Variants in EYA2 observed in about 807,000 individuals in gnomAD.
EYA2 encodes EYA transcriptional coactivator and phosphatase 2, also known as protein phosphatase EYA2.
A neutral mutation model predicts 69.2 loss-of-function variants in EYA2; 31 were observed. That is an observed-to-expected ratio of 0.45 (90% CI 0.34 to 0.60). The LOEUF (loss-of-function observed/expected upper bound fraction) is 0.60, where lower values mean the gene tolerates loss of function less well. EYA2 is among the 20% of genes least tolerant of loss of function. The probability of loss-of-function intolerance (pLI) is 0.02; values close to 1 mark genes in which losing one functional copy is unlikely to be tolerated. For missense variants in EYA2, 622 were observed against 701.2 expected, an observed-to-expected ratio of 0.89 and a Z score of 1.28; for synonymous variants, 257 against 279.4, an observed-to-expected ratio of 0.92 and a Z score of 0.80.
chr20:46,977,195 T>C (rs577525894), intron 1 of EYA2, among the ~76,000 whole-genome samples: 1 of 152,262 alleles, frequency 6.6e-6, no homozygotes, highest in Non-Finnish European at 1.5e-5. Context: ...GTTTATAAGC[T>C]ATTTATCCTA....
intron 9 of EYA2, among the ~76,000 whole-genome samples, chr20:47,110,163 G>A (rs2032708561): frequency 6.6e-6 from 1 of 152,216 alleles, no homozygotes; most frequent in African/African-American, 2.4e-5. Flanking sequence ...CTGAGGCCCA[G>A]AGAGGTGATG....
At chr20:46,916,178 G>A (rs1438506824) in intron 1 of EYA2, among the ~76,000 whole-genome samples, 1 of 152,094 alleles carries the variant, frequency 6.6e-6, no homozygotes, top group African/African-American at 2.4e-5. Flanking sequence ...GCGTGCCAAG[G>A]CCATAGTTTC....
Position 47,072,183 on chromosome 20 carries a change from A to G in EYA2, c.416-2A>G. 6.2e-7 allele frequency: 1 copy of G among 1,612,468 alleles called. No individual in the cohort carries two copies. Among genetic ancestry groups the G allele is most frequent in the Non-Finnish European group, 8.5e-7 (1 of 1,179,152 alleles). On this transcript the variant is annotated splice_acceptor_variant, in intron 5 of 15. Coordinates refer to ENST00000327619, the MANE Select transcript of EYA2 (RefSeq NM_005244.5). LOFTEE classifies it high-confidence loss of function. ...CTGTACCCCTGTTCCTCCTTCCCAC[A>G]GGCACAACAGGGTTCTATCAAGGAG...
intron 14 of EYA2, among the ~76,000 whole-genome samples, 173 bp from the exon 15 acceptor site, chr20:47,183,118 C>G (rs1451368767): frequency 6.6e-6 from 1 of 152,120 alleles, no homozygotes; most frequent in Non-Finnish European, 1.5e-5. Context: ...TGTCATCATC[C>G]TTCATGTGGG....
chr20:46,983,658 A>G (rs1393309394), intron 1 of EYA2, among the ~76,000 whole-genome samples: 1 of 152,184 alleles, frequency 6.6e-6, no homozygotes, highest in African/African-American at 2.4e-5. Context: ...AATAACTTTC[A>G]ACAATATGAG....
At chr20:47,170,865 C>T (rs912044641) in intron 11 of EYA2, among the ~76,000 whole-genome samples, 3 of 152,204 alleles carry the variant, frequency 2.0e-5, no homozygotes, top group African/African-American at 7.2e-5. Context: ...GTAGCTGCTT[C>T]CAAGGTGTCT....
chr20:47,112,474 C>T (rs1356776441), intron 9 of EYA2, among the ~76,000 whole-genome samples: 1 of 152,126 alleles, frequency 6.6e-6, no homozygotes, highest in Non-Finnish European at 1.5e-5. Context: ...AATGATTTAA[C>T]TTGATTATAT....
chr20:47,025,516 A>G (rs1984028493), intron 5 of EYA2, among the ~76,000 whole-genome samples: 1 of 152,214 alleles, frequency 6.6e-6, no homozygotes, highest in East Asian at 1.9e-4. Flanking sequence ...ATTCTTTTTC[A>G]TAGATGCCTA....
chr20:46,990,043 T>A lies in EYA2; in HGVS notation c.33T>A (p.Thr11=). The change falls in exon 2 of 16, where the codon ACT becomes ACA. Residue 11 remains threonine, a synonymous_variant. Coordinates refer to ENST00000327619, the MANE Select transcript of EYA2 (RefSeq NM_005244.5). ...AACTAGTGATCTCACCCAGCCTCAC[T>A]GTAAACAGCGATTGTCTGGATAAAC... MVELVISPSL[T]VNSDCLDKLK... is the part of the protein sequence containing the mutation. 1 of 1,611,824 alleles carries A rather than the reference T, an allele frequency of 6.2e-7. No homozygotes were observed.
intron 1 of EYA2, among the ~76,000 whole-genome samples, chr20:46,944,663 T>C (rs1430961761): frequency 6.6e-6 from 1 of 152,102 alleles, no homozygotes; most frequent in Non-Finnish European, 1.5e-5. Context: ...ATATAATTCC[T>C]GTTTTGAAAA....
At chr20:47,135,055 A>T (rs1315536951) in intron 9 of EYA2, among the ~76,000 whole-genome samples, 1 of 139,478 alleles carries the variant, frequency 7.2e-6, no homozygotes, top group Non-Finnish European at 1.5e-5. Flanking sequence ...TGAACCCAGG[A>T]GGCGGAGCTT....
intron 7 of EYA2, among the ~76,000 whole-genome samples, chr20:47,087,453 C>G (rs1191348734): frequency 6.6e-6 from 1 of 152,186 alleles, no homozygotes. Context: ...AAGGACAGGT[C>G]CAAATTTTAG....
chr20:47,099,432 G>A (rs2032359790), intron 9 of EYA2, among the ~76,000 whole-genome samples: 1 of 152,250 alleles, frequency 6.6e-6, no homozygotes, highest in Non-Finnish European at 1.5e-5. Flanking sequence ...TCAGGAAGCT[G>A]AGAAGGGAGG....
intron 2 of EYA2, among the ~76,000 whole-genome samples, chr20:46,994,059 G>A (rs570074880): frequency 3.9e-5 from 6 of 152,328 alleles, no homozygotes; most frequent in East Asian, 1.9e-4. Context: ...CTGGGTGAGT[G>A]AAGGGGTAGG....
At chr20:46,998,284 G>A (rs1192682967) in intron 2 of EYA2, 1 of 152,372 alleles carries the variant, frequency 6.6e-6, no homozygotes, top group Non-Finnish European at 1.5e-5. Flanking sequence ...GGGGGTCATT[G>A]AAAGAAATTC....
At chr20:46,904,834 T>C (rs898309365) in intron 1 of EYA2, among the ~76,000 whole-genome samples, 2 of 152,172 alleles carry the variant, frequency 1.3e-5, no homozygotes, top group African/African-American at 4.8e-5. Flanking sequence ...GATGGCGGAT[T>C]GTATCACTGG....
intron 6 of EYA2, 63 bp from the exon 7 acceptor site, chr20:47,074,095 C>G: frequency 6.8e-7 from 1 of 1,464,784 alleles, no homozygotes; most frequent in Non-Finnish European, 9.2e-7. Flanking sequence ...GCCAGGCTGA[C>G]CAACGGCCCG....
intron 1 of EYA2, among the ~76,000 whole-genome samples, chr20:46,922,423 C>G (rs1052892697): frequency 7.9e-5 from 12 of 152,210 alleles, no homozygotes; most frequent in African/African-American, 2.9e-4. Context: ...CTGTACATTC[C>G]AAAATGTTTT....
At chr20:46,978,240 C>T in intron 1 of EYA2, 1 of 229,302 alleles carries the variant, frequency 4.4e-6, no homozygotes, top group Non-Finnish European at 8.8e-6. Context: ...TAGGGTCAGT[C>T]CCAGCCAAGC....
Sources: gnomAD v4.1 joint callset for allele counts (sites outside exome capture counted in the v4.1 genomes callset) on GRCh38, gnomAD v4.1.1 for gene constraint, MANE v1.5 for transcripts, NCBI Gene and HGNC (gene_info 2026-07-23, HGNC 2026-07-21) for gene names.